Variants in R3HCC1 observed in about 807,000 individuals in gnomAD.
The protein encoded by R3HCC1 is R3H and coiled-coil domain-containing protein 1.
Under a neutral mutation model 40.0 loss-of-function variants are expected in R3HCC1, and 32 were observed. The observed-to-expected ratio is 0.80, with a 90% CI of 0.60 to 1.07. The LOEUF is 1.07. Among genes scored for constraint, R3HCC1 ranks in the 50% least tolerant of loss-of-function variants. R3HCC1 has a pLI of 0.00. For missense variants in R3HCC1, 586 were observed against 563.3 expected, an observed-to-expected ratio of 1.04 and a Z score of -0.41; for synonymous variants, 237 against 232.8, an observed-to-expected ratio of 1.02 and a Z score of -0.17.
chr8:23,290,211 A>T lies in R3HCC1; in HGVS notation c.594A>T (p.Pro198=). The stretch of plus-strand genomic sequence containing the variant: ...AGGGAACAGAGGACCTAAAGGGCCC[A>T]GGACAAAGGTGTGAGAATGAGCCAC... The change falls in exon 4 of 8, where the codon CCA becomes CCT. Residue 198 remains proline, a synonymous_variant. Coordinates refer to ENST00000265806, the MANE Select transcript of R3HCC1 (RefSeq NM_001136108.3). 3 of 1,551,774 alleles carry T rather than the reference A, an allele frequency of 1.9e-6. No individual in the cohort carries two copies. The highest frequency in any genetic ancestry group is 1.7e-6 in the Non-Finnish European group (2 of 1,147,002).
intron 7 of R3HCC1, 143 bp downstream of exon 7, chr8:23,295,007 A>C (rs11779464): frequency 1.3e-4 from 86 of 683,070 alleles, no homozygotes; most frequent in African/African-American, 1.2e-3. Context: ...CTCTGCTCTT[A>C]GGGAGCCCTG....
At chr8:23,294,991 T>C (rs1327025520) in intron 7 of R3HCC1, 127 bp downstream of exon 7, 2 of 734,906 alleles carry the variant, frequency 2.7e-6, no homozygotes, top group East Asian at 5.5e-5. Flanking sequence ...TCTTCCCGCT[T>C]GACTTCTCTG....
At position 23,289,849 on chromosome 8, in the gene R3HCC1, T is replaced by C; in HGVS notation, c.249-17T>C. ...GCCCCTACACACTCTGATTACCTCC[T>C]CCCATTCCTGCTCCAGGGTACCCAG... On this transcript the variant is annotated splice_polypyrimidine_tract_variant and intron_variant, in intron 3 of 7. Transcript: ENST00000265806. The C allele has an allele frequency of 6.7e-7, 1 of 1,487,158 alleles. No individual in the cohort carries two copies. The highest frequency in any genetic ancestry group is 8.9e-7 in the Non-Finnish European group (1 of 1,122,288). The allele number at this position is 1,487,158 out of a possible 1,614,324, so 92.1% of individuals were successfully genotyped here.
intron 1 of R3HCC1, 45 bp from the exon 2 acceptor site, chr8:23,288,460 CG>C: frequency 6.5e-7 from 1 of 1,529,450 alleles, no homozygotes; most frequent in Non-Finnish European, 8.8e-7. Flanking sequence ...GCGGGAGATC[CG>C]GGGGTCTGTG....
Position 23,289,864 on chromosome 8 carries a change from A to T in R3HCC1, c.249-2A>T, listed in dbSNP as rs1177039554. On this transcript the variant is annotated splice_acceptor_variant, in intron 3 of 7. Transcript: ENST00000265806. LOFTEE classifies it high-confidence loss of function. ...GATTACCTCCTCCCATTCCTGCTCCAGGGTACCCAGTTCGGATGGCCTCTC... is the reference window on the plus strand; with the variant it reads ...GATTACCTCCTCCCATTCCTGCTCCTGGGTACCCAGTTCGGATGGCCTCTC... 5 of 1,503,576 alleles carry T rather than the reference A, an allele frequency of 3.3e-6. No individual in the cohort carries two copies. Among genetic ancestry groups the T allele is most frequent in the Non-Finnish European group, 4.4e-6 (5 of 1,129,670 alleles). 93.1% of individuals were successfully genotyped at this position (1,503,576 alleles called of 1,614,324 possible). A position where few individuals can be genotyped will look rare whatever the true frequency, so the allele number is the denominator to read the frequency against.
Position 23,296,004 on chromosome 8 carries a change from T to C in R3HCC1, c.1230T>C (p.Asn410=), listed in dbSNP as rs1226173487. Reference sequence around the variant, plus strand: ...TGGTGAAGGAGAGGCCACAGACAAATGCGACTGTGGCCCGGCGGCTGGTGG... The same window carrying C: ...TGGTGAAGGAGAGGCCACAGACAAACGCGACTGTGGCCCGGCGGCTGGTGG... The change falls in exon 8 of 8, where the codon AAT becomes AAC. Residue 410 remains asparagine, a synonymous_variant. Coordinates refer to ENST00000265806, the MANE Select transcript of R3HCC1 (RefSeq NM_001136108.3). 6.4e-7 allele frequency: 1 copy of C among 1,550,794 alleles called. No individual in the cohort carries two copies. The highest frequency in any genetic ancestry group is 1.2e-5 in the South Asian group (1 of 84,038).
In R3HCC1 at chr8:23,289,941, G is replaced by A. The variant is rs1295198449; in HGVS notation, c.324G>A (p.Arg108=). The A allele has an allele frequency of 6.5e-7, 1 of 1,536,188 alleles. No individual in the cohort carries two copies. Among genetic ancestry groups the A allele is most frequent in the Non-Finnish European group, 8.7e-7 (1 of 1,146,928 alleles). Residue 108 remains arginine (R), a synonymous_variant, in exon 4 of 8, where the codon CGG becomes CGA. Coordinates refer to ENST00000265806, the MANE Select transcript of R3HCC1 (RefSeq NM_001136108.3). ...GCCCCAGCAGGTACCACGGTCCTCG[G>A]CCCATCTCCAACCAAGGAGCAGCTG...
Position 23,289,199 on chromosome 8 carries a change from G to C in R3HCC1, c.248+46G>C, listed in dbSNP as rs1251428295. 1.4e-5 allele frequency: 22 copies of C among 1,527,826 alleles called. No individual in the cohort carries two copies. In the East Asian group the frequency reaches 5.4e-4, roughly 37 times the overall value. The allele number at this position is 1,527,826 out of a possible 1,614,324, so 94.6% of individuals were successfully genotyped here. A position where few individuals can be genotyped will look rare whatever the true frequency, so the allele number is the denominator to read the frequency against. ...AAGTGCCTGCAGCGGTGGTGTGTGG[G>C]TGGCCAGCTAGCTGGTCAGCCTTTG... is the stretch of plus-strand genomic sequence containing the variant. On this transcript the variant is annotated intron_variant, in intron 3 of 7. Coordinates refer to ENST00000265806, the MANE Select transcript of R3HCC1 (RefSeq NM_001136108.3).
rs887902139 is a variant in R3HCC1, at chr8:23,289,985, G to A, written c.368G>A (p.Arg123Gln). The change falls in exon 4 of 8, where the codon CGG (arginine) becomes CAG (glutamine). Residue 123 changes from arginine (R) to glutamine (Q), a missense_variant. Transcript: ENST00000265806. ...GCAGCTGCGGTTCCCCGAGGTGCCC[G>A]GGCTGGCCGGTGGTATCGTGGACGC... 5.9e-6 allele frequency: 9 copies of A among 1,536,784 alleles called. No homozygotes were observed. Among genetic ancestry groups the A allele is most frequent in the Middle Eastern group, 1.7e-4 (1 of 5,990 alleles).
intron 5 of R3HCC1, among the ~76,000 whole-genome samples, chr8:23,292,809 G>A (rs1299634495): frequency 1.3e-5 from 2 of 152,164 alleles, no homozygotes; most frequent in Admixed American, 6.5e-5. Flanking sequence ...TTCTCTGCCC[G>A]GGTGGGGCCA....
intron 7 of R3HCC1, 33 bp downstream of exon 7, chr8:23,294,897 CTG>C (rs137952235): frequency 0.018 from 21,626 of 1,194,708 alleles, no homozygotes; most frequent in East Asian, 0.023. Context: ...AATAGGGAGG[CTG>C]TGTGTGTGTG....
At position 23,296,007 on chromosome 8, in the gene R3HCC1, G is replaced by A. The variant is rs771013925; in HGVS notation, c.1233G>A (p.Ala411=). The A allele has an allele frequency of 3.0e-5, 46 of 1,550,916 alleles. No homozygotes were observed. Among genetic ancestry groups the A allele is most frequent in the Non-Finnish European group, 3.6e-5 (41 of 1,146,916 alleles). ...TGAAGGAGAGGCCACAGACAAATGC[G>A]ACTGTGGCCCGGCGGCTGGTGGCCC... Residue 411 remains alanine (A), a synonymous_variant, in exon 8 of 8, where the codon GCG becomes GCA. Transcript: ENST00000265806.
At chr8:23,293,270 C>T (rs1415147641) in intron 5 of R3HCC1, 33 bp from the exon 6 acceptor site, 2 of 1,535,650 alleles carry the variant, frequency 1.3e-6, no homozygotes, top group South Asian at 1.2e-5. Context: ...TGCTTGCTTT[C>T]CTGAATGTGC....
intron 5 of R3HCC1, 46 bp downstream of exon 5, chr8:23,291,579 T>C (rs1190940634): frequency 1.9e-6 from 3 of 1,541,656 alleles, no homozygotes; most frequent in Admixed American, 2.0e-5. Context: ...GGAGCTAAGA[T>C]ACTTCTCTGT....
chr8:23,289,692 A>G (rs916637837), intron 3 of R3HCC1, among the ~76,000 whole-genome samples, 174 bp from the exon 4 acceptor site: 1 of 152,218 alleles, frequency 6.6e-6, no homozygotes, highest in East Asian at 1.9e-4. Context: ...GGCTCATGCA[A>G]AAGTGACAGC....
rs920156563 is a variant in R3HCC1, at chr8:23,293,181, G to A, written c.1026-122G>A. The stretch of plus-strand genomic sequence containing the variant: ...TGATTGTCTCCGTCCCAGAAGAGAT[G>A]GGACCTTGCCTCAGGCTGGTGGCAT... On this transcript the variant is annotated intron_variant, in intron 5 of 7. Coordinates refer to ENST00000265806, the MANE Select transcript of R3HCC1 (RefSeq NM_001136108.3). 4 of 715,852 alleles carry A rather than the reference G, an allele frequency of 5.6e-6. No homozygotes were observed. In the African/African-American group the frequency reaches 7.1e-5, roughly 13 times the overall value. 44.3% of individuals were successfully genotyped at this position (715,852 alleles called of 1,614,324 possible).
At position 23,290,359 on chromosome 8, in the gene R3HCC1, A is replaced by G. The variant is rs1456027059; in HGVS notation, c.742A>G (p.Ser248Gly). 5 of 1,551,560 alleles carry G rather than the reference A, an allele frequency of 3.2e-6. No homozygotes were observed. Among genetic ancestry groups the G allele is most frequent in the Non-Finnish European group, 4.4e-6 (5 of 1,147,018 alleles). The change falls in exon 4 of 8, where the codon AGT becomes GGT. Residue 248 changes from serine (S) to glycine (G), a missense_variant. By Grantham distance (56) the Ser-to-Gly change is moderately conservative. Coordinates refer to ENST00000265806, the MANE Select transcript of R3HCC1 (RefSeq NM_001136108.3). ...GCTAGACCTGGAAAAGGGGAAGGAG[A>G]GTCTGTTGGAGAAGAGGCTGGTGGC...
chr8:23,292,778 C>G (rs1046821850), intron 5 of R3HCC1, among the ~76,000 whole-genome samples: 1 of 152,222 alleles, frequency 6.6e-6, no homozygotes, highest in African/African-American at 2.4e-5. Flanking sequence ...ATGGTGCAGC[C>G]AGGCTGGGGC....
chr8:23,295,583 G>GGT, intron 7 of R3HCC1: 2 of 460,802 alleles, frequency 4.3e-6, no homozygotes, highest in Non-Finnish European at 8.5e-6. Flanking sequence ...TAGCCAACAT[G>GGT]GTCCAGGGTT....
Sources: allele counts gnomAD v4.1 joint callset (sites outside exome capture counted in the v4.1 genomes callset), GRCh38; gene constraint gnomAD v4.1.1; transcripts MANE v1.5; gene names NCBI Gene and HGNC (gene_info 2026-07-23, HGNC 2026-07-21).